FAM13A: variants seen among roughly 807,000 people sequenced by gnomAD.
FAM13A encodes the protein family with sequence similarity 13 member A, also known as protein FAM13A.
In FAM13A, 76 loss-of-function variants were observed where a neutral mutation model predicts 129.6. The observed-to-expected ratio is 0.59, with a 90% CI of 0.49 to 0.71. FAM13A has a LOEUF of 0.71. FAM13A is among the 30% of genes least tolerant of loss of function. The probability of loss-of-function intolerance (pLI) is 0.00; values close to 1 mark genes in which losing one functional copy is unlikely to be tolerated. For missense variants in FAM13A, 1,108 were observed against 1,249.3 expected, an observed-to-expected ratio of 0.89 and a Z score of 1.70; for synonymous variants, 443 against 449.9, an observed-to-expected ratio of 0.98 and a Z score of 0.20.
intron 4 of FAM13A, among the ~76,000 whole-genome samples, chr4:88,963,790 A>G (rs1758972676): frequency 6.6e-6 from 1 of 152,180 alleles, no homozygotes; most frequent in Non-Finnish European, 1.5e-5. Flanking sequence ...TAATATGGTA[A>G]GATACTTGTA....
chr4:88,783,556 T>G (rs1335414000), intron 10 of FAM13A, among the ~76,000 whole-genome samples: 1 of 152,286 alleles, frequency 6.6e-6, no homozygotes, highest in East Asian at 1.9e-4. Context: ...AATGCTGGGA[T>G]TACAGGCATG....
intron 14 of FAM13A, among the ~76,000 whole-genome samples, chr4:88,752,531 T>TA (rs1742834226): frequency 6.6e-6 from 1 of 152,210 alleles, no homozygotes; most frequent in African/African-American, 2.4e-5. Flanking sequence ...AAAGCAGTGT[T>TA]AAAGACAGAT....
intron 7 of FAM13A, among the ~76,000 whole-genome samples, chr4:88,833,758 T>C (rs1350927393): frequency 6.6e-6 from 1 of 151,762 alleles, no homozygotes; most frequent in Non-Finnish European, 1.5e-5. Flanking sequence ...TGGTGGTGGG[T>C]GCCTGTAATC....
chr4:88,847,441 G>T (rs1215836628), intron 7 of FAM13A, among the ~76,000 whole-genome samples: 1 of 152,150 alleles, frequency 6.6e-6, no homozygotes, highest in Non-Finnish European at 1.5e-5. Context: ...ATACAGCTAT[G>T]CATTTGTTTT....
intron 10 of FAM13A, among the ~76,000 whole-genome samples, chr4:88,787,394 G>A (rs1724183583): frequency 1.3e-5 from 2 of 152,148 alleles, no homozygotes; most frequent in Non-Finnish European, 2.9e-5. Flanking sequence ...TCAACTTAAT[G>A]TTGTCTAGCA....
At chr4:88,741,180 CA>C (rs893272574) in intron 19 of FAM13A, among the ~76,000 whole-genome samples, 2 of 152,160 alleles carry the variant, frequency 1.3e-5, no homozygotes, top group African/African-American at 4.8e-5. Flanking sequence ...TTAAGTTCAT[CA>C]AAAGACATAT....
chr4:88,821,153 C>T lies in FAM13A; in HGVS notation c.1008-16101G>A, dbSNP rs1044649446. ...GGCGGGAAAGTTTTCTACACAAATG[C>T]TTAAATTCACAAGGCACGCTTAACA... On this transcript the variant is annotated intron_variant, in intron 7 of 23. Transcript: ENST00000264344. Among the ~76,000 whole-genome samples, 6 of 152,172 alleles carry T rather than the reference C, an allele frequency of 3.9e-5. No homozygotes were observed. The East Asian group carries it at 1.2e-3, about 29-fold the overall frequency.
intron 3 of FAM13A, among the ~76,000 whole-genome samples, chr4:89,014,184 A>G (rs1766139614): frequency 1.3e-5 from 2 of 152,216 alleles, no homozygotes; most frequent in African/African-American, 4.8e-5. Context: ...CAGATGCATG[A>G]CAATAAACGA....
intron 6 of FAM13A, among the ~76,000 whole-genome samples, chr4:88,886,833 G>A (rs1423503804): frequency 6.6e-6 from 1 of 151,914 alleles, no homozygotes; most frequent in Non-Finnish European, 1.5e-5. Context: ...CTTGAACCCG[G>A]GAGGTGGAGG....
At chr4:89,012,188 C>T (rs1765823276) in intron 3 of FAM13A, among the ~76,000 whole-genome samples, 1 of 152,146 alleles carries the variant, frequency 6.6e-6, no homozygotes, top group Admixed American at 6.5e-5. Flanking sequence ...ACAATTCACA[C>T]CTATTTCCAA....
intron 13 of FAM13A, among the ~76,000 whole-genome samples, chr4:88,760,853 C>T (rs1426353230): frequency 1.4e-5 from 2 of 148,080 alleles, no homozygotes; most frequent in South Asian, 2.2e-4. Flanking sequence ...GGGGAGGGGT[C>T]GTGGGCGGGG....
In FAM13A at chr4:88,895,108, ATTAG is replaced by A. The variant is rs534262006; in HGVS notation, c.843+11267_843+11270del. Reference sequence around the variant, plus strand: ...ATGATTATTAGATGAGATAATATACATTAGTTAGTACAATGCTTGGCACTTGACT... The same window carrying A: ...ATGATTATTAGATGAGATAATATACATTAGTACAATGCTTGGCACTTGACT... On this transcript the variant is annotated intron_variant, in intron 6 of 23. Coordinates refer to ENST00000264344, the MANE Select transcript of FAM13A (RefSeq NM_014883.4). 4.6e-3 allele frequency among the ~76,000 whole-genome samples: 700 copies of A among 152,296 alleles called. 10 individuals carry two copies. Among genetic ancestry groups the A allele is most frequent in the South Asian group, 0.045 (217 of 4,830 alleles).
At chr4:88,827,729 T>C (rs2149865952) in intron 7 of FAM13A, among the ~76,000 whole-genome samples, 1 of 152,294 alleles carries the variant, frequency 6.6e-6, no homozygotes, top group East Asian at 1.9e-4. Flanking sequence ...TCTGCCTAGG[T>C]TATCTGTACT....
At chr4:88,933,579 G>T (rs1479164784) in intron 5 of FAM13A, among the ~76,000 whole-genome samples, 1 of 151,918 alleles carries the variant, frequency 6.6e-6, no homozygotes, top group Non-Finnish European at 1.5e-5. Context: ...CCTGTTTTCA[G>T]CCCCTATTCT....
In FAM13A at chr4:88,781,283, T is replaced by C; in HGVS notation, c.1340A>G (p.Gln447Arg). ...ATTTTTGTGTACCTTTTCGACTTCCTGAGTATTCAAAATACAATCATCAAG... is the reference window on the plus strand; with the variant it reads ...ATTTTTGTGTACCTTTTCGACTTCCCGAGTATTCAAAATACAATCATCAAG... ...NHLDDCILNT[Q>R]EVEKVHKNTF... Residue 447 changes from glutamine to arginine, a missense_variant, in exon 11 of 24, where the codon CAG (glutamine) becomes CGG (arginine). Physicochemically the swap from Gln to Arg is conservative, Grantham distance 43. Transcript: ENST00000264344. 6.2e-7 allele frequency: 1 copy of C among 1,613,100 alleles called. No homozygotes were observed. Among genetic ancestry groups the C allele is most frequent in the Non-Finnish European group, 8.5e-7 (1 of 1,179,320 alleles).
intron 10 of FAM13A, among the ~76,000 whole-genome samples, chr4:88,787,532 C>T (rs1281989719): frequency 6.6e-6 from 1 of 152,086 alleles, no homozygotes; most frequent in Non-Finnish European, 1.5e-5. Context: ...TAACAACATA[C>T]CAAATGTCTG....
At chr4:88,769,423 C>T (rs1720164472) in intron 11 of FAM13A, among the ~76,000 whole-genome samples, 1 of 152,156 alleles carries the variant, frequency 6.6e-6, no homozygotes, top group Admixed American at 6.5e-5. Flanking sequence ...CCAGTTCCAC[C>T]ATTTGCCAAT....
chr4:88,841,174 A>T (rs1441918539), intron 7 of FAM13A, among the ~76,000 whole-genome samples: 1 of 152,186 alleles, frequency 6.6e-6, no homozygotes, highest in Non-Finnish European at 1.5e-5. Context: ...CATCAAAATT[A>T]AAAATTTTGT....
intron 5 of FAM13A, among the ~76,000 whole-genome samples, chr4:88,926,206 T>C (rs1752128934): frequency 6.6e-6 from 1 of 152,106 alleles, no homozygotes; most frequent in Non-Finnish European, 1.5e-5. Flanking sequence ...CCCACAGTTT[T>C]CAGCCATGGG....
Sources: gnomAD v4.1 joint callset for allele counts (sites outside exome capture counted in the v4.1 genomes callset) on GRCh38, gnomAD v4.1.1 for gene constraint, MANE v1.5 for transcripts, NCBI Gene and HGNC (gene_info 2026-07-23, HGNC 2026-07-21) for gene names.